The following SPINK5 variants were observed in gnomAD, a reference collection of about 807,000 sequenced individuals.
The protein encoded by SPINK5 is serine protease inhibitor Kazal-type 5.
Under a neutral mutation model 151.8 loss-of-function variants are expected in SPINK5, and 125 were observed. That is an observed-to-expected ratio of 0.82 (90% CI 0.71 to 0.96). The LOEUF (loss-of-function observed/expected upper bound fraction) is 0.96. SPINK5 is among the 40% of genes least tolerant of loss of function. The pLI is 0.00. For synonymous variants in SPINK5, 374 were observed against 395.3 expected, an observed-to-expected ratio of 0.95 and a Z score of 0.64; for missense variants, 1,194 against 1,291.9, an observed-to-expected ratio of 0.92 and a Z score of 1.16.
At chr5:148,114,923 A>G (rs1754046208) in intron 21 of SPINK5, among the ~76,000 whole-genome samples, 1 of 152,222 alleles carries the variant, frequency 6.6e-6, no homozygotes, top group Non-Finnish European at 1.5e-5. Flanking sequence ...TACACCTAGA[A>G]TATTTAAGTC....
intron 7 of SPINK5, among the ~76,000 whole-genome samples, chr5:148,090,158 C>T (rs566798228): frequency 3.0e-4 from 46 of 152,004 alleles, no homozygotes; most frequent in South Asian, 4.1e-4. Flanking sequence ...GCATTAAAGA[C>T]GCAGATGTGG....
rs145110538 is a variant in SPINK5 at position 148,123,563 on chromosome 5, A to AAT, written c.2539-256_2539-255dup. The stretch of plus-strand genomic sequence containing the variant: ...TATATATATATATAATCTTGCTTGC[A>AAT]ATATATATATATATAGTTTTTAAAG... On this transcript the variant is annotated intron_variant, in intron 26 of 32. Coordinates refer to ENST00000256084, the MANE Select transcript of SPINK5 (RefSeq NM_006846.4). Among the ~76,000 whole-genome samples the AAT allele has an allele frequency of 0.56, 74,541 of 133,696 alleles. 21,050 individuals are homozygous for AAT. The highest frequency in any genetic ancestry group is 0.65 in the Admixed American group (8,504 of 13,130). The allele number at this position is 133,696 out of a possible 152,430, so 87.7% of individuals were successfully genotyped here. A position where few individuals can be genotyped will look rare whatever the true frequency, so the allele number is the denominator to read the frequency against.
At chr5:148,097,236 A>G (rs1350374551) in intron 10 of SPINK5, among the ~76,000 whole-genome samples, 2 of 151,932 alleles carry the variant, frequency 1.3e-5, no homozygotes, top group African/African-American at 4.8e-5. Flanking sequence ...ATTTTCTGCT[A>G]TAAACATTTA....
intron 14 of SPINK5, 99 bp from the exon 15 acceptor site, chr5:148,101,682 C>G: frequency 3.8e-6 from 6 of 1,568,408 alleles, no homozygotes; most frequent in Non-Finnish European, 5.3e-6. Context: ...AAGCCAATTG[C>G]TAATCCTCGT....
chr5:148,125,452 A>AGGAT, intron 28 of SPINK5: 3 of 1,370,856 alleles, frequency 2.2e-6, no homozygotes, highest in Non-Finnish European at 3.1e-6. Context: ...GGGGAAAGGA[A>AGGAT]GGATGGATGA....
At chr5:148,065,122 G>A (rs1752543639) in intron 1 of SPINK5, among the ~76,000 whole-genome samples, 1 of 152,072 alleles carries the variant, frequency 6.6e-6, no homozygotes, top group African/African-American at 2.4e-5. Flanking sequence ...CAAAGTAATT[G>A]TAACTTTCTG....
At chr5:148,130,057 C>G (rs531397615) in intron 30 of SPINK5, among the ~76,000 whole-genome samples, 3 of 151,968 alleles carry the variant, frequency 2.0e-5, no homozygotes, top group Non-Finnish European at 4.4e-5. Flanking sequence ...GTTCTATTTT[C>G]TATTTCATCA....
rs10653454 is a variant in SPINK5 at position 148,126,307 on chromosome 5, AATGATGATG to A, written c.2867+476_2867+484del. ...GAAATGGAGACCAATGGACATTATA[AATGATGATG>A]ATGATGATGATGATGATGGTTGTAA... On this transcript the variant is annotated intron_variant, in intron 29 of 32. Coordinates refer to ENST00000256084, the MANE Select transcript of SPINK5 (RefSeq NM_006846.4). Among the ~76,000 whole-genome samples, 9 of 150,694 alleles carry A rather than the reference AATGATGATG, an allele frequency of 6.0e-5. No homozygotes were observed. The South Asian group carries it at 6.3e-4, about 11-fold the overall frequency.
chr5:148,137,109 A>G lies in SPINK5; in HGVS notation c.*118A>G. 7.4e-7 allele frequency: 1 copy of G among 1,358,980 alleles called. No homozygotes were observed. The highest frequency in any genetic ancestry group is 1.7e-5 in the Admixed American group (1 of 59,046). The allele number at this position is 1,358,980 out of a possible 1,614,324, so 84.2% of individuals were successfully genotyped here. A position where few individuals can be genotyped will look rare whatever the true frequency, so the allele number is the denominator to read the frequency against. On this transcript the variant is annotated 3_prime_UTR_variant, in exon 33 of 33. Transcript: ENST00000256084. ...GCTTGTCTTATTTGCTATAGAAAACAATACAGAGCTTTTGGGAATGGACTC... is the reference window on the plus strand; with the variant it reads ...GCTTGTCTTATTTGCTATAGAAAACGATACAGAGCTTTTGGGAATGGACTC...
In SPINK5 at chr5:148,125,741, C is replaced by T. The variant is rs776293648; in HGVS notation, c.2758C>T (p.Arg920Ter). ...NNAKDECSEF[R>*]NYIRNNELIC... is the part of the protein sequence containing the mutation. ...TTTCTAGGATGAGTGCAGTGAATTTCGAAACTATATAAGGAACAATGAACT... is the reference window on the plus strand; with the variant it reads ...TTTCTAGGATGAGTGCAGTGAATTTTGAAACTATATAAGGAACAATGAACT... Residue 920 changes from arginine to a stop codon, truncating the protein, a stop_gained, in exon 29 of 33, where the codon CGA (arginine) becomes TGA (stop). Transcript: ENST00000256084. LOFTEE classifies it high-confidence loss of function. The T allele has an allele frequency of 1.1e-5, 18 of 1,613,976 alleles. No individual in the cohort carries two copies. The Admixed American group carries it at 2.0e-4, about 18-fold the overall frequency.
At chr5:148,118,811 C>T (rs1316636020) in intron 23 of SPINK5, among the ~76,000 whole-genome samples, 175 bp from the exon 24 acceptor site, 1 of 152,114 alleles carries the variant, frequency 6.6e-6, no homozygotes. Context: ...TCATGATAGA[C>T]CCTTGTTCTT....
At chr5:148,132,681 T>A (rs1412576621) in intron 31 of SPINK5, among the ~76,000 whole-genome samples, 2 of 152,156 alleles carry the variant, frequency 1.3e-5, no homozygotes, top group African/African-American at 4.8e-5. Flanking sequence ...TTTTCTTTTT[T>A]CTCCACTAAA....
At chr5:148,074,560 T>C (rs1752831966) in intron 4 of SPINK5, among the ~76,000 whole-genome samples, 1 of 151,832 alleles carries the variant, frequency 6.6e-6, no homozygotes, top group African/African-American at 2.4e-5. Context: ...ATAACTAGTA[T>C]GGTAAGTCCC....
At chr5:148,076,169 GTCTA>G (rs1752875450) in intron 4 of SPINK5, among the ~76,000 whole-genome samples, 1 of 151,754 alleles carries the variant, frequency 6.6e-6, no homozygotes, top group African/African-American at 2.4e-5. Context: ...GTACACAAAG[GTCTA>G]TCTGAGAGGG....
chr5:148,098,398 T>A (rs1252020500), intron 11 of SPINK5, among the ~76,000 whole-genome samples: 1 of 152,132 alleles, frequency 6.6e-6, no homozygotes, highest in Non-Finnish European at 1.5e-5. Flanking sequence ...TAAACTCCTA[T>A]AAAATTACAA....
rs775468293 is a variant in SPINK5, at chr5:148,088,537, T to C, written c.411-5T>C. 1.2e-6 allele frequency: 2 copies of C among 1,611,368 alleles called. No individual in the cohort carries two copies. Among genetic ancestry groups the C allele is most frequent in the Non-Finnish European group, 8.5e-7 (1 of 1,178,372 alleles). ...ACTGCTGTGTCTACTAACTTTTGAT[T>C]CTAGGAAAACCGGGTCCCAAATTGG... On this transcript the variant is annotated splice_polypyrimidine_tract_variant and splice_region_variant and intron_variant, in intron 5 of 32. Transcript: ENST00000256084.
chr5:148,106,925 T>C lies in SPINK5; in HGVS notation c.1480-112T>C. The C allele has an allele frequency of 2.9e-6, 4 of 1,375,956 alleles. No individual in the cohort carries two copies. In the Admixed American group the frequency reaches 7.1e-5, roughly 24 times the overall value. The allele number at this position is 1,375,956 out of a possible 1,614,324, so 85.2% of individuals were successfully genotyped here. A position where few individuals can be genotyped will look rare whatever the true frequency, so the allele number is the denominator to read the frequency against. ...AAATACTTACTGATTTACTACTATG[T>C]GTTATCACTTTTGTTTTTACTTTTT... On this transcript the variant is annotated intron_variant, in intron 16 of 32. Coordinates refer to ENST00000256084, the MANE Select transcript of SPINK5 (RefSeq NM_006846.4).
At chr5:148,095,055 G>C (rs569280826) in intron 9 of SPINK5, among the ~76,000 whole-genome samples, 1 of 151,994 alleles carries the variant, frequency 6.6e-6, no homozygotes, top group Non-Finnish European at 1.5e-5. Flanking sequence ...TCCTATGCCA[G>C]TTCCTCCCGG....
Position 148,133,894 on chromosome 5 carries a change from A to T in SPINK5, c.3186+7A>T. On this transcript the variant is annotated splice_region_variant and intron_variant, in intron 32 of 32. Coordinates refer to ENST00000256084, the MANE Select transcript of SPINK5 (RefSeq NM_006846.4). ...AGCCAGCATGCCCCCGTCTGTAAGT[A>T]CATAAGTAGACTGGCCTCCATGGTT... 1 of 1,613,754 alleles carries T rather than the reference A, an allele frequency of 6.2e-7. No individual in the cohort carries two copies. Among genetic ancestry groups the T allele is most frequent in the Admixed American group, 1.7e-5 (1 of 59,934 alleles).
Sources: allele counts gnomAD v4.1 joint callset (sites outside exome capture counted in the v4.1 genomes callset), GRCh38; gene constraint gnomAD v4.1.1; transcripts MANE v1.5; gene names NCBI Gene and HGNC (gene_info 2026-07-23, HGNC 2026-07-21).